TNFSF4: variants seen among roughly 807,000 people sequenced by gnomAD.
TNFSF4 encodes tumor necrosis factor ligand superfamily member 4.
Under a neutral mutation model 7.3 loss-of-function variants are expected in TNFSF4, and 4 were observed. The ratio of observed to expected loss-of-function variants is 0.55; its 90% confidence interval spans 0.27 to 1.25. TNFSF4 has a LOEUF of 1.25. Among genes scored for constraint, TNFSF4 ranks in the 50% most tolerant of loss-of-function variants. The pLI, the probability that TNFSF4 is intolerant of heterozygous loss-of-function variation, is 0.12. For synonymous variants in TNFSF4, 76 were observed against 83.7 expected (o/e 0.91, Z 0.50); for missense variants, 181 against 208.8 (o/e 0.87, Z 0.82).
chr1:173,288,487 A>G, the TNFSF4 span, among the ~76,000 whole-genome samples: 11 of 152,128 alleles, frequency 7.2e-5, no homozygotes, highest in Non-Finnish European at 1.3e-4. Flanking sequence ...TAGCAAAGAT[A>G]TAAAAAATTT....
chr1:173,337,943 C>A, the TNFSF4 span, among the ~76,000 whole-genome samples: 2 of 152,178 alleles, frequency 1.3e-5, no homozygotes, highest in African/African-American at 4.8e-5. Flanking sequence ...TGGATAGGAT[C>A]ACTTGTTCTG....
rs1404130660 is a variant in TNFSF4, at chr1:173,186,367, G to C, written c.*149C>G. 6 of 604,706 alleles carry C rather than the reference G, an allele frequency of 9.9e-6. No individual in the cohort carries two copies. The East Asian group carries it at 1.6e-4, about 17-fold the overall frequency. 37.5% of individuals were successfully genotyped at this position (604,706 alleles called of 1,614,324 possible). The stretch of plus-strand genomic sequence containing the variant: ...TAAGTTTTAAATATCCCTGAGGGGT[G>C]GGGGCGGGAGGGCCAGGATCTGCTT... On this transcript the variant is annotated 3_prime_UTR_variant, in exon 3 of 3. Transcript: ENST00000281834.
the TNFSF4 span, among the ~76,000 whole-genome samples, chr1:173,306,974 C>T: frequency 6.6e-6 from 1 of 151,848 alleles, no homozygotes; most frequent in Non-Finnish European, 1.5e-5. Flanking sequence ...ACAAATTCTC[C>T]ATATGGTTCT....
At chr1:173,237,490 T>C in the TNFSF4 span, among the ~76,000 whole-genome samples, 1 of 152,190 alleles carries the variant, frequency 6.6e-6, no homozygotes, top group African/African-American at 2.4e-5. Flanking sequence ...GATGACATGA[T>C]TCTATATCTA....
chr1:173,377,194 A>T, the TNFSF4 span, among the ~76,000 whole-genome samples: 1 of 152,210 alleles, frequency 6.6e-6, no homozygotes, highest in East Asian at 1.9e-4. Context: ...ACAAATGTAC[A>T]ATCACCAAGC....
the TNFSF4 span, among the ~76,000 whole-genome samples, chr1:173,322,448 C>T: frequency 6.6e-6 from 1 of 152,144 alleles, no homozygotes; most frequent in Admixed American, 6.5e-5. Context: ...CAGTCTACAC[C>T]TCCCAGCATG....
intron 1 of TNFSF4, among the ~76,000 whole-genome samples, chr1:173,203,123 GA>G (rs1168375252): frequency 6.6e-6 from 1 of 152,034 alleles, no homozygotes; most frequent in South Asian, 2.1e-4. Flanking sequence ...ACACTCAATG[GA>G]AAAAAATCTG....
chr1:173,342,781 C>T, the TNFSF4 span, among the ~76,000 whole-genome samples: 2 of 152,306 alleles, frequency 1.3e-5, no homozygotes, highest in Admixed American at 6.5e-5. Flanking sequence ...CCAGGAAGTC[C>T]ATAGCTCTGC....
At chr1:173,378,461 G>T in the TNFSF4 span, among the ~76,000 whole-genome samples, 1 of 152,164 alleles carries the variant, frequency 6.6e-6, no homozygotes, top group East Asian at 1.9e-4. Flanking sequence ...GCATCAACAG[G>T]CTCACCCCTG....
chr1:173,427,855 T>C, the TNFSF4 span, among the ~76,000 whole-genome samples: 1 of 152,294 alleles, frequency 6.6e-6, no homozygotes, highest in African/African-American at 2.4e-5. Context: ...ATAGTGTGTA[T>C]TGCAACATAT....
At chr1:173,411,891 G>A in the TNFSF4 span, among the ~76,000 whole-genome samples, 2 of 152,070 alleles carry the variant, frequency 1.3e-5, no homozygotes, top group Admixed American at 1.3e-4. Flanking sequence ...AGGACGAGGC[G>A]GGCAGACCAC....
the TNFSF4 span, among the ~76,000 whole-genome samples, chr1:173,384,982 G>T: frequency 1.1e-3 from 166 of 152,280 alleles, no homozygotes; most frequent in South Asian, 3.3e-3. Context: ...CATCATAAAT[G>T]ATATAACTCA....
chr1:173,398,525 C>T, the TNFSF4 span, among the ~76,000 whole-genome samples: 1 of 150,236 alleles, frequency 6.7e-6, no homozygotes, highest in African/African-American at 2.4e-5. Context: ...CCCAGGTTCA[C>T]ACCATTCTCC....
the TNFSF4 span, among the ~76,000 whole-genome samples, chr1:173,271,912 G>A: frequency 4.6e-5 from 7 of 152,022 alleles, no homozygotes; most frequent in Admixed American, 6.6e-5. Context: ...TGTTTATTGC[G>A]GCACTATTCG....
the TNFSF4 span, among the ~76,000 whole-genome samples, chr1:173,349,121 C>G: frequency 2.6e-5 from 4 of 152,160 alleles, no homozygotes; most frequent in Non-Finnish European, 4.4e-5. Context: ...CTCCGCCCCC[C>G]GGGTTCACGC....
chr1:173,404,769 T>C, the TNFSF4 span, among the ~76,000 whole-genome samples: 1 of 152,022 alleles, frequency 6.6e-6, no homozygotes, highest in Non-Finnish European at 1.5e-5. Flanking sequence ...GTAGCTAGGA[T>C]TACAGGCATG....
At chr1:173,230,740 AG>A in the TNFSF4 span, among the ~76,000 whole-genome samples, 1 of 152,206 alleles carries the variant, frequency 6.6e-6, no homozygotes, top group African/African-American at 2.4e-5. Flanking sequence ...AAAATGATAA[AG>A]GGGACATCAC....
chr1:173,441,952 A>G, the TNFSF4 span: 1 of 152,368 alleles, frequency 6.6e-6, no homozygotes, highest in South Asian at 2.1e-4. Context: ...TCCATCTTTC[A>G]CATGAGGTGG....
chr1:173,242,073 GT>G, the TNFSF4 span, among the ~76,000 whole-genome samples: 1 of 152,164 alleles, frequency 6.6e-6, no homozygotes, highest in Non-Finnish European at 1.5e-5. Context: ...TGAGAAGTCT[GT>G]TTTTTCTACT....
Sources: allele counts gnomAD v4.1 joint callset (sites outside exome capture counted in the v4.1 genomes callset), GRCh38; gene constraint gnomAD v4.1.1; transcripts MANE v1.5; gene names NCBI Gene and HGNC (gene_info 2026-07-23, HGNC 2026-07-21).